SLIT3: variants seen among roughly 807,000 people sequenced by gnomAD.
SLIT3 encodes the protein slit guidance ligand 3.
In SLIT3, 68 loss-of-function variants were observed where a neutral mutation model predicts 184.0. That is an observed-to-expected ratio of 0.37 (90% CI 0.30 to 0.45). SLIT3 has a LOEUF of 0.45. Among genes scored for constraint, SLIT3 ranks in the 20% least tolerant of loss-of-function variants. The pLI, the probability that SLIT3 is intolerant of heterozygous loss-of-function variation, is 1.00. For missense variants in SLIT3, 1,707 were observed against 2,026.0 expected (o/e 0.84, Z 3.02); for synonymous variants, 831 against 828.6 (o/e 1.00, Z -0.05).
intron 23 of SLIT3, among the ~76,000 whole-genome samples, chr5:168,721,410 C>T (rs983847700): frequency 6.6e-6 from 1 of 152,224 alleles, no homozygotes; most frequent in Admixed American, 6.5e-5. Context: ...CTAAGTACTT[C>T]ATATACAGTA....
intron 3 of SLIT3, among the ~76,000 whole-genome samples, chr5:169,218,307 G>A (rs190966568): frequency 1.1e-4 from 17 of 152,328 alleles, no homozygotes; most frequent in East Asian, 5.8e-4. Flanking sequence ...AATTGTGCAT[G>A]ATATCACACC....
At chr5:168,716,058 C>T (rs1013863084) in intron 23 of SLIT3, among the ~76,000 whole-genome samples, 1 of 152,090 alleles carries the variant, frequency 6.6e-6, no homozygotes, top group African/African-American at 2.4e-5. Flanking sequence ...ACCTCGACCT[C>T]CTGGGTTCAA....
intron 3 of SLIT3, among the ~76,000 whole-genome samples, chr5:169,244,091 C>T (rs1561762159): frequency 3.3e-5 from 5 of 152,222 alleles, no homozygotes; most frequent in Admixed American, 3.3e-4. Context: ...CATTCCCATC[C>T]CTTTTCCTCT....
At chr5:168,741,421 A>C (rs753565469) in intron 20 of SLIT3, among the ~76,000 whole-genome samples, 1 of 143,230 alleles carries the variant, frequency 7.0e-6, no homozygotes, top group African/African-American at 2.7e-5. Flanking sequence ...CAGTAAGCCG[A>C]GATCACACCA....
chr5:169,057,569 C>T (rs747829813), intron 4 of SLIT3, among the ~76,000 whole-genome samples: 16 of 152,168 alleles, frequency 1.1e-4, no homozygotes, highest in Non-Finnish European at 1.8e-4. Context: ...AGAGGCTCTA[C>T]TAGGAAGCAG....
chr5:169,116,315 G>A (rs1033511379), intron 4 of SLIT3, among the ~76,000 whole-genome samples: 5 of 152,162 alleles, frequency 3.3e-5, no homozygotes, highest in Admixed American at 1.3e-4. Context: ...TGGTTCCCAC[G>A]GAAGAAGAGT....
chr5:168,895,682 A>G (rs1760635971), intron 4 of SLIT3, among the ~76,000 whole-genome samples: 2 of 152,182 alleles, frequency 1.3e-5, no homozygotes, highest in African/African-American at 4.8e-5. Context: ...CCCATGCGCT[A>G]TTTATTGTTC....
intron 12 of SLIT3, among the ~76,000 whole-genome samples, chr5:168,779,016 C>T (rs1356124386): frequency 6.6e-6 from 1 of 152,220 alleles, no homozygotes; most frequent in East Asian, 1.9e-4. Context: ...GATGATCCGA[C>T]CAGGTGAACC....
At chr5:169,249,095 G>A (rs1765690559) in intron 2 of SLIT3, among the ~76,000 whole-genome samples, 1 of 152,180 alleles carries the variant, frequency 6.6e-6, no homozygotes, top group African/African-American at 2.4e-5. Flanking sequence ...AAAAAAGATA[G>A]TTGTCTAGGT....
intron 1 of SLIT3, among the ~76,000 whole-genome samples, chr5:169,287,640 G>A (rs1767203000): frequency 6.6e-6 from 1 of 152,082 alleles, no homozygotes; most frequent in Non-Finnish European, 1.5e-5. Context: ...AAAATCTCTT[G>A]GCTAGGGAAG....
chr5:169,056,844 A>G (rs533145925), intron 4 of SLIT3, among the ~76,000 whole-genome samples: 1 of 152,310 alleles, frequency 6.6e-6, no homozygotes, highest in East Asian at 1.9e-4. Flanking sequence ...GGGCCACAGA[A>G]AGAATACTCT....
chr5:168,759,952 C>T (rs1029099543), intron 16 of SLIT3, among the ~76,000 whole-genome samples: 1 of 152,172 alleles, frequency 6.6e-6, no homozygotes, highest in African/African-American at 2.4e-5. Context: ...CTCTTCTGTG[C>T]TGGTACCTCT....
At chr5:169,063,706 C>T (rs1425872456) in intron 4 of SLIT3, among the ~76,000 whole-genome samples, 1 of 152,174 alleles carries the variant, frequency 6.6e-6, no homozygotes, top group Non-Finnish European at 1.5e-5. Flanking sequence ...CTGTGAAATG[C>T]AAAGGGAATT....
chr5:168,880,368 A>C (rs1009503626), intron 5 of SLIT3, among the ~76,000 whole-genome samples: 2 of 152,014 alleles, frequency 1.3e-5, no homozygotes, highest in Non-Finnish European at 2.9e-5. Flanking sequence ...CTCTCTTTCT[A>C]ACCCAATCAC....
intron 3 of SLIT3, among the ~76,000 whole-genome samples, chr5:169,239,502 GAC>G (rs763726497): frequency 3.3e-5 from 5 of 152,090 alleles, no homozygotes; most frequent in Non-Finnish European, 4.4e-5. Context: ...ATTGATATAA[GAC>G]AGATTTTCTA....
chr5:168,800,552 A>G (rs1756729732), intron 9 of SLIT3, among the ~76,000 whole-genome samples: 1 of 152,190 alleles, frequency 6.6e-6, no homozygotes, highest in South Asian at 2.1e-4. Flanking sequence ...ACACCATTGC[A>G]CTCTAGCCTG....
At chr5:168,967,435 A>ATTTTTTTTTTTTTTTTTTTTTTT (rs556216624) in intron 4 of SLIT3, among the ~76,000 whole-genome samples, 28 of 30,772 alleles carry the variant, frequency 9.1e-4, no homozygotes, top group Non-Finnish European at 1.2e-3. Context: ...GCCATCTCAA[A>ATTTTTTTTTTTTTTTTTTTTTTT]TCTTTTTTTT....
chr5:168,892,971 C>T (rs916429650), intron 4 of SLIT3, among the ~76,000 whole-genome samples: 2 of 152,164 alleles, frequency 1.3e-5, no homozygotes, highest in Non-Finnish European at 2.9e-5. Flanking sequence ...ACTAAGTGGT[C>T]CAGGAAATAT....
Position 169,161,364 on chromosome 5 carries a change from T to C in SLIT3, c.413+32115A>G, listed in dbSNP as rs542140435. Reference sequence around the variant, plus strand: ...AACTATTTGCTCCCCTCCCACCCTGTCCATCACTGCCCCTTCCTTGGGCCG... The same window carrying C: ...AACTATTTGCTCCCCTCCCACCCTGCCCATCACTGCCCCTTCCTTGGGCCG... On this transcript the variant is annotated intron_variant, in intron 4 of 35. Coordinates refer to ENST00000519560, the MANE Select transcript of SLIT3 (RefSeq NM_003062.4). Among the ~76,000 whole-genome samples, 14 of 152,328 alleles carry C rather than the reference T, an allele frequency of 9.2e-5. No homozygotes were observed. The South Asian group carries it at 2.7e-3, about 29-fold the overall frequency.
Sources: allele counts gnomAD v4.1 joint callset (sites outside exome capture counted in the v4.1 genomes callset), GRCh38; gene constraint gnomAD v4.1.1; transcripts MANE v1.5; gene names NCBI Gene and HGNC (gene_info 2026-07-23, HGNC 2026-07-21).